PLXNA4: variants seen among roughly 807,000 people sequenced by gnomAD.
The protein encoded by PLXNA4 is plexin A4, also known as plexin-A4.
PLXNA4 carries 44 observed loss-of-function variants against 191.8 expected under a neutral mutation model. The observed-to-expected ratio is 0.23, with a 90% CI of 0.18 to 0.29. The LOEUF is 0.29. Among genes scored for constraint, PLXNA4 ranks in the 10% least tolerant of loss-of-function variants. The pLI, the probability that PLXNA4 is intolerant of heterozygous loss-of-function variation, is 1.00. For missense variants in PLXNA4, 1,800 were observed against 2,488.8 expected (o/e 0.72, Z 5.89); for synonymous variants, 1,082 against 1,009.5 (o/e 1.07, Z -1.36).
chr7:132,534,107 G>A (rs539944543), intron 1 of PLXNA4, among the ~76,000 whole-genome samples: 1 of 152,254 alleles, frequency 6.6e-6, no homozygotes, highest in African/African-American at 2.4e-5. Flanking sequence ...GGCCAGTGAA[G>A]AAGAAGCCGC....
At chr7:132,554,581 C>T (rs1453424385) in intron 1 of PLXNA4, among the ~76,000 whole-genome samples, 1 of 152,316 alleles carries the variant, frequency 6.6e-6, no homozygotes, top group East Asian at 1.9e-4. Context: ...AGAGATTTCA[C>T]TGATTTCAAA....
chr7:132,389,336 T>G (rs2116982675), intron 3 of PLXNA4, among the ~76,000 whole-genome samples: 1 of 152,334 alleles, frequency 6.6e-6, no homozygotes, highest in Middle Eastern at 3.4e-3. Context: ...TCATGAAGTC[T>G]TTGCCCATGC....
chr7:132,234,397 G>C (rs1323241346), intron 5 of PLXNA4, among the ~76,000 whole-genome samples: 2 of 152,212 alleles, frequency 1.3e-5, no homozygotes, highest in Non-Finnish European at 2.9e-5. Flanking sequence ...ATTGAATGAA[G>C]TGTGTGAATG....
chr7:132,375,671 G>A (rs1804632087), intron 3 of PLXNA4, among the ~76,000 whole-genome samples: 1 of 152,154 alleles, frequency 6.6e-6, no homozygotes, highest in South Asian at 2.1e-4. Context: ...GAGGAGGACA[G>A]GAAGGACAGA....
At chr7:132,257,058 T>C (rs536754252) in intron 4 of PLXNA4, among the ~76,000 whole-genome samples, 90 of 152,332 alleles carry the variant, frequency 5.9e-4, no homozygotes, top group Non-Finnish European at 1.2e-3. Flanking sequence ...TTAAGCGACT[T>C]GCTCAAGGTC....
rs573325990 is a variant in PLXNA4 at position 132,150,322 on chromosome 7, C to T, written c.4661-1676G>A. On this transcript the variant is annotated intron_variant, in intron 25 of 31. Transcript: ENST00000321063. ...TATTTTATGGAGGTATGCATGCATG[C>T]ACTTTTGAGTGGTTGGAGCAAAGGA... is the stretch of plus-strand genomic sequence containing the variant. Among the ~76,000 whole-genome samples the T allele has an allele frequency of 8.5e-5, 13 of 152,246 alleles. No homozygotes were observed. In the South Asian group the frequency reaches 2.5e-3, roughly 29 times the overall value.
chr7:132,494,141 A>G (rs1797911958), intron 2 of PLXNA4, among the ~76,000 whole-genome samples: 1 of 152,218 alleles, frequency 6.6e-6, no homozygotes, highest in African/African-American at 2.4e-5. Flanking sequence ...CATGGTATCT[A>G]TCTCAGAGGT....
chr7:132,255,675 C>A (rs1249330197), intron 4 of PLXNA4, among the ~76,000 whole-genome samples: 1 of 152,184 alleles, frequency 6.6e-6, no homozygotes, highest in Non-Finnish European at 1.5e-5. Flanking sequence ...ACCACTGACT[C>A]CACTGGGTGA....
chr7:132,563,915 CCTT>C (rs1801546466), intron 1 of PLXNA4, among the ~76,000 whole-genome samples: 1 of 126,660 alleles, frequency 7.9e-6, no homozygotes, highest in African/African-American at 3.0e-5. Flanking sequence ...TTCTCCTCCT[CCTT>C]CTCCTCCTTT....
intron 2 of PLXNA4, among the ~76,000 whole-genome samples, chr7:132,593,563 G>A (rs1802645016): frequency 6.6e-6 from 1 of 152,224 alleles, no homozygotes; most frequent in African/African-American, 2.4e-5. Flanking sequence ...AAGGCCCCAT[G>A]AGGCCACCCT....
At chr7:132,206,909 G>C (rs1266150780) in intron 10 of PLXNA4, among the ~76,000 whole-genome samples, 3 of 152,162 alleles carry the variant, frequency 2.0e-5, no homozygotes, top group Admixed American at 6.5e-5. Flanking sequence ...GCTCCTGGAG[G>C]CCGGGAGGTT....
chr7:132,268,906 G>A (rs1799955593), intron 4 of PLXNA4, among the ~76,000 whole-genome samples: 2 of 152,186 alleles, frequency 1.3e-5, no homozygotes. Context: ...TCCCTGTTTT[G>A]AGCAAGGGGA....
intron 3 of PLXNA4, among the ~76,000 whole-genome samples, chr7:132,353,391 G>A (rs1165521742): frequency 6.6e-6 from 1 of 151,800 alleles, no homozygotes; most frequent in Admixed American, 6.6e-5. Flanking sequence ...AATGCCAATT[G>A]CTATAATCTT....
intron 3 of PLXNA4, among the ~76,000 whole-genome samples, chr7:132,378,524 C>T (rs1384638172): frequency 1.3e-5 from 2 of 152,158 alleles, no homozygotes; most frequent in Non-Finnish European, 2.9e-5. Context: ...AGGATTGTGC[C>T]CATCCCTGAG....
At chr7:132,405,373 C>G (rs1415355044) in intron 3 of PLXNA4, among the ~76,000 whole-genome samples, 1 of 152,188 alleles carries the variant, frequency 6.6e-6, no homozygotes, top group African/African-American at 2.4e-5. Context: ...TGATTCCATA[C>G]CTGCTACATT....
At chr7:132,352,214 A>C (rs1330107361) in intron 3 of PLXNA4, 1 of 152,300 alleles carries the variant, frequency 6.6e-6, no homozygotes, top group African/African-American at 2.4e-5. Flanking sequence ...GATCCAAAAC[A>C]CAGCTTTTTT....
chr7:132,173,970 C>A (rs1009920884), intron 21 of PLXNA4, among the ~76,000 whole-genome samples: 3 of 152,130 alleles, frequency 2.0e-5, no homozygotes, highest in Admixed American at 6.5e-5. Context: ...TGAACTCTGG[C>A]CCCTTAGTTT....
At chr7:132,349,773 C>T (rs553430192) in intron 3 of PLXNA4, among the ~76,000 whole-genome samples, 10 of 152,202 alleles carry the variant, frequency 6.6e-5, no homozygotes, top group Non-Finnish European at 1.3e-4. Context: ...CCCCTTGCTG[C>T]TTCTTATTAA....
At chr7:132,358,838 A>AG (rs1316653049) in intron 3 of PLXNA4, among the ~76,000 whole-genome samples, 6 of 152,340 alleles carry the variant, frequency 3.9e-5, no homozygotes, top group Non-Finnish European at 8.8e-5. Context: ...AGGACAGAGC[A>AG]GGGTGATTGA....
Sources: allele counts gnomAD v4.1 joint callset (sites outside exome capture counted in the v4.1 genomes callset), GRCh38; gene constraint gnomAD v4.1.1; transcripts MANE v1.5; gene names NCBI Gene and HGNC (gene_info 2026-07-23, HGNC 2026-07-21).